Variants in CEP72 observed in about 807,000 individuals in gnomAD.
CEP72 encodes the protein centrosomal protein 72, also known as centrosomal protein of 72 kDa.
CEP72 carries 78 observed loss-of-function variants against 65.7 expected under a neutral mutation model. The ratio of observed to expected loss-of-function variants is 1.19; its 90% CI spans 0.99 to 1.43. The LOEUF is 1.43. CEP72 is among the 40% of genes most tolerant of loss of function. The pLI, the probability that CEP72 is intolerant of heterozygous loss-of-function variation, is 0.00. For synonymous variants in CEP72, 358 were observed against 351.7 expected (o/e 1.02, Z -0.20); for missense variants, 914 against 832.9 (o/e 1.10, Z -1.20).
At position 635,385 on chromosome 5, in the gene CEP72, G is replaced by A. The variant is rs746929680; in HGVS notation, c.705G>A (p.Leu235=). ...DSRGSQESRH[L]LSPQLVQYQC... is the part of the protein sequence containing the mutation. ...ATATTTTAATAGAATCCAGACATCT[G>A]TTGAGCCCGCAGTTGGTACAGTACC... The change falls in exon 6 of 12, where the codon CTG becomes CTA. Residue 235 remains leucine (L), a synonymous_variant. Transcript: ENST00000264935. 1.1e-5 allele frequency: 18 copies of A among 1,610,328 alleles called. No homozygotes were observed. In the Admixed American group the frequency reaches 2.2e-4, roughly 19 times the overall value.
At chr5:634,722 G>A (rs1267701378) in intron 5 of CEP72, among the ~76,000 whole-genome samples, 3 of 152,082 alleles carry the variant, frequency 2.0e-5, no homozygotes, top group Non-Finnish European at 4.4e-5. Flanking sequence ...GCTTCTCTTA[G>A]TATTGAGTCC....
intron 1 of CEP72, among the ~76,000 whole-genome samples, chr5:617,016 G>T (rs1377596720): frequency 6.6e-6 from 1 of 152,032 alleles, no homozygotes; most frequent in Non-Finnish European, 1.5e-5. Context: ...TTGCAGGAGG[G>T]CTGATGATGT....
At chr5:647,693 ATTC>A in intron 10 of CEP72, 109 bp from the exon 11 acceptor site, 1 of 725,892 alleles carries the variant, frequency 1.4e-6, no homozygotes, top group South Asian at 1.8e-5. Flanking sequence ...TTCCAGCTAT[ATTC>A]TTTTTCTGGT....
chr5:633,680 C>T (rs535993734), intron 4 of CEP72, 89 bp from the exon 5 acceptor site: 3 of 1,262,662 alleles, frequency 2.4e-6, no homozygotes, highest in Non-Finnish European at 3.4e-6. Context: ...CTCTCAGAGA[C>T]CGTGCAGGAA....
downstream of CEP72, among the ~76,000 whole-genome samples, chr5:669,905 G>T (rs929884685): frequency 6.6e-6 from 1 of 152,148 alleles, no homozygotes; most frequent in Non-Finnish European, 1.5e-5. Context: ...ACATAGAGTG[G>T]GCCTGTCCTC....
chr5:633,488 G>A (rs1281477641), intron 4 of CEP72, among the ~76,000 whole-genome samples: 1 of 151,756 alleles, frequency 6.6e-6, no homozygotes, highest in Non-Finnish European at 1.5e-5. Flanking sequence ...AGTCCTGGTG[G>A]GGTTCTGTCC....
intron 9 of CEP72, chr5:640,813 A>T (rs1737964765): frequency 1.0e-6 from 1 of 985,332 alleles, no homozygotes. Context: ...TGGAGACAGC[A>T]GTGGCGCTGG....
At chr5:647,971 G>A in intron 11 of CEP72, 55 bp downstream of exon 11, 1 of 1,296,474 alleles carries the variant, frequency 7.7e-7, no homozygotes, top group Non-Finnish European at 1.1e-6. Context: ...CCAGGTACAG[G>A]GAGGGTTGGG....
chr5:635,452 AG>A lies in CEP72; in HGVS notation c.773del (p.Ser258ThrfsTer110). 1.2e-6 allele frequency: 2 copies of A among 1,614,072 alleles called. No individual in the cohort carries two copies. Among genetic ancestry groups the A allele is most frequent in the Non-Finnish European group, 1.7e-6 (2 of 1,179,950 alleles). ...GAAGCAGGGCCGTGAGACGAGGAGG[AG>A]CAGCTGCAGAGGGTGCTGTCTGGAG... ...SGKQGRETRR[S>X]SCRGCCLEKM... On this transcript the variant is annotated frameshift_variant, in exon 6 of 12. Transcript: ENST00000264935. LOFTEE classifies it high-confidence loss of function.
downstream of CEP72, among the ~76,000 whole-genome samples, chr5:670,512 C>G (rs1403225273): frequency 1.3e-5 from 2 of 152,226 alleles, no homozygotes; most frequent in East Asian, 3.9e-4. Context: ...CCATTAGCCC[C>G]TGAGACCTGA....
At chr5:671,526 G>A (rs1326887380), downstream of CEP72, among the ~76,000 whole-genome samples, 1 of 152,386 alleles carries the variant, frequency 6.6e-6, no homozygotes, top group East Asian at 1.9e-4. Flanking sequence ...ATGGGGCAAA[G>A]TGGACAGCCA....
chr5:616,342 T>C (rs9688318), intron 1 of CEP72, among the ~76,000 whole-genome samples: 3,988 of 152,300 alleles, frequency 0.026, 66 homozygotes, highest in African/African-American at 0.041. Flanking sequence ...ATCTCCTGTT[T>C]CTTTGCTAAG....
chr5:642,357 C>T (rs1485708029), intron 9 of CEP72: 2 of 985,430 alleles, frequency 2.0e-6, no homozygotes, highest in Middle Eastern at 5.2e-4. Context: ...GGCCCCTTCT[C>T]TGGAAGCCTC....
intron 4 of CEP72, among the ~76,000 whole-genome samples, chr5:627,250 G>A (rs757807642): frequency 1.3e-5 from 2 of 152,212 alleles, no homozygotes; most frequent in Non-Finnish European, 2.9e-5. Context: ...GAGTTGTCAC[G>A]TTGGTGGGCC....
intron 1 of CEP72, among the ~76,000 whole-genome samples, chr5:616,635 C>T (rs187177603): frequency 2.0e-5 from 3 of 152,214 alleles, no homozygotes; most frequent in East Asian, 1.9e-4. Flanking sequence ...ACCTTGTTGC[C>T]GGGACAGTCA....
intron 1 of CEP72, among the ~76,000 whole-genome samples, chr5:613,555 C>T (rs905351298): frequency 1.3e-5 from 2 of 152,096 alleles, no homozygotes; most frequent in East Asian, 1.9e-4. Context: ...TTAGTAGAGA[C>T]GGGGTTTCAC....
downstream of CEP72, among the ~76,000 whole-genome samples, chr5:671,222 C>T (rs1740211854): frequency 6.7e-6 from 1 of 150,034 alleles, no homozygotes; most frequent in South Asian, 2.1e-4. Flanking sequence ...TTTTGCGTTG[C>T]TGCCGGCCTT....
At chr5:658,512 C>T (rs182069535), downstream of CEP72, among the ~76,000 whole-genome samples, 1 of 152,320 alleles carries the variant, frequency 6.6e-6, no homozygotes, top group African/African-American at 2.4e-5. Flanking sequence ...CACCCTTTGC[C>T]TCCATTTTCT....
intron 3 of CEP72, chr5:665,343 T>C: frequency 6.4e-7 from 1 of 1,558,200 alleles, no homozygotes; most frequent in African/African-American, 1.4e-5. Context: ...GCGAGCCAGG[T>C]GAGGCCAGCA....
Sources: gnomAD v4.1 joint callset for allele counts (sites outside exome capture counted in the v4.1 genomes callset) on GRCh38, gnomAD v4.1.1 for gene constraint, MANE v1.5 for transcripts, NCBI Gene and HGNC (gene_info 2026-07-23, HGNC 2026-07-21) for gene names.